TECTB: variants seen among roughly 807,000 people sequenced by gnomAD.
TECTB encodes beta-tectorin.
Under a neutral mutation model 43.3 loss-of-function variants are expected in TECTB, and 45 were observed. The observed-to-expected ratio is 1.04, with a 90% CI of 0.82 to 1.33. The LOEUF is 1.33. Ranked by LOEUF, TECTB falls within the 40% of genes most tolerant of loss-of-function variation. The probability of loss-of-function intolerance (pLI) is 0.00; values close to 1 mark genes in which losing one functional copy is unlikely to be tolerated. For missense variants in TECTB, 399 were observed against 404.7 expected (o/e 0.99, Z 0.12); for synonymous variants, 169 against 156.7 (o/e 1.08, Z -0.59).
chr10:112,300,263 AAAGAAAGAAAGAAAGAAAAG>A (rs1848592046), intron 9 of TECTB, among the ~76,000 whole-genome samples: 2 of 32,416 alleles, frequency 6.2e-5, no homozygotes, highest in African/African-American at 4.2e-4. Flanking sequence ...AGAAAGAAAG[AAAGAAAGAAAGAAAGAAAAG>A]AAAGAAAGAA....
intron 3 of TECTB, among the ~76,000 whole-genome samples, chr10:112,285,538 G>T (rs768852275): frequency 6.6e-6 from 1 of 152,228 alleles, no homozygotes; most frequent in African/African-American, 2.4e-5. Context: ...GAAATCAGCT[G>T]TGTGGTCTCA....
chr10:112,293,293 G>A (rs552395799), intron 5 of TECTB, among the ~76,000 whole-genome samples: 2 of 151,170 alleles, frequency 1.3e-5, no homozygotes, highest in Admixed American at 6.7e-5. Context: ...CTGGGAATCT[G>A]GGAATCTGAT....
intron 5 of TECTB, among the ~76,000 whole-genome samples, chr10:112,291,726 T>C (rs1222972125): frequency 6.6e-6 from 1 of 152,228 alleles, no homozygotes; most frequent in African/African-American, 2.4e-5. Context: ...CCATTTTGCA[T>C]AGGAAGAAGC....
rs201302014 is a variant in TECTB at position 112,298,094 on chromosome 10, G to A, written c.697G>A (p.Val233Met). 74 of 1,614,012 alleles carry A rather than the reference G, an allele frequency of 4.6e-5. No individual in the cohort carries two copies. The highest frequency in any genetic ancestry group is 1.3e-4 in the Admixed American group (8 of 59,996). The change falls in exon 8 of 11, where the codon GTG becomes ATG. Residue 233 changes from valine (V) to methionine (M), a missense_variant. Coordinates refer to ENST00000646139, the MANE Select transcript of TECTB (RefSeq NM_058222.3). Reference sequence around the variant, plus strand: ...CTGCCCCACGGATGAAACCGTCCTCGTGCATGAGAATGGGAGAGATCACAG... The same window carrying A: ...CTGCCCCACGGATGAAACCGTCCTCATGCATGAGAATGGGAGAGATCACAG... ...KGCPTDETVL[V>M]HENGRDHRAT...
chr10:112,284,595 A>G lies in TECTB; in HGVS notation c.137A>G (p.Tyr46Cys), dbSNP rs775359840. Residue 46 changes from tyrosine (Y) to cysteine (C), a missense_variant, in exon 3 of 11, where the codon TAT becomes TGT. By Grantham distance (194) the Tyr-to-Cys change is radical (BLOSUM62 -2). Coordinates refer to ENST00000646139, the MANE Select transcript of TECTB (RefSeq NM_058222.3). ...ATCACCAAAATCCCCGAGTGTCCCT[A>G]TGGATGGGAAGTTCATCAGCTGGCC... ...TIITKIPECP[Y>C]GWEVHQLALG... 4.3e-6 allele frequency: 7 copies of G among 1,613,514 alleles called. No individual in the cohort carries two copies. The highest frequency in any genetic ancestry group is 4.5e-5 in the East Asian group (2 of 44,876).
chr10:112,299,914 G>C (rs931107380), intron 9 of TECTB, among the ~76,000 whole-genome samples: 11 of 151,818 alleles, frequency 7.2e-5, no homozygotes, highest in Non-Finnish European at 1.5e-4. Context: ...TGTAATCCCA[G>C]CACTTTGGGA....
In TECTB at chr10:112,294,869, G is replaced by A. The variant is rs80007016; in HGVS notation, c.671+808G>A. ...GATAGGAGGTGGAGGAAAGGACAGC[G>A]CAAGAAATCTGGGGAGTAATGGAAA... On this transcript the variant is annotated intron_variant, in intron 7 of 10. Transcript: ENST00000646139. 4.0e-3 allele frequency among the ~76,000 whole-genome samples: 616 copies of A among 152,304 alleles called. 4 individuals carry two copies. The highest frequency in any genetic ancestry group is 0.014 in the African/African-American group (582 of 41,566).
intron 9 of TECTB, among the ~76,000 whole-genome samples, chr10:112,301,731 T>C (rs1339641381): frequency 6.6e-6 from 1 of 151,870 alleles, no homozygotes; most frequent in East Asian, 1.9e-4. Flanking sequence ...TCAGGTTTTG[T>C]GTTTTATTTA....
intron 7 of TECTB, among the ~76,000 whole-genome samples, chr10:112,296,140 T>C (rs1172569349): frequency 6.6e-6 from 1 of 152,176 alleles, no homozygotes; most frequent in East Asian, 1.9e-4. Context: ...CAGATGATTT[T>C]TGCTCACAAC....
At chr10:112,287,006 G>C (rs1848460649) in intron 5 of TECTB, among the ~76,000 whole-genome samples, 1 of 152,304 alleles carries the variant, frequency 6.6e-6, no homozygotes, top group South Asian at 2.1e-4. Flanking sequence ...AGAAAACTGA[G>C]GCAAGGTCAA....
At chr10:112,297,021 G>GTGGGCT (rs1378713488) in intron 7 of TECTB, among the ~76,000 whole-genome samples, 2 of 152,176 alleles carry the variant, frequency 1.3e-5, no homozygotes, top group African/African-American at 4.8e-5. Flanking sequence ...TCTCTGTACA[G>GTGGGCT]TCCCAAGAAT....
At chr10:112,283,842 C>G in intron 2 of TECTB, 32 bp downstream of exon 2, 1 of 1,606,800 alleles carries the variant, frequency 6.2e-7, no homozygotes, top group East Asian at 2.2e-5. Flanking sequence ...TTTCCTGGGA[C>G]GAAAAGTTTC....
chr10:112,286,058 T>C lies in TECTB; in HGVS notation c.268-13T>C, dbSNP rs1234120501. ...AAACAGATTCATCCTGACTGTCTCC[T>C]TTCTTTGTCCAGTACAAGCCACCTA... On this transcript the variant is annotated splice_polypyrimidine_tract_variant and intron_variant, in intron 3 of 10. Transcript: ENST00000646139. The C allele has an allele frequency of 6.2e-7, 1 of 1,614,010 alleles. No individual in the cohort carries two copies. Among genetic ancestry groups the C allele is most frequent in the Non-Finnish European group, 8.5e-7 (1 of 1,179,894 alleles).
At chr10:112,297,974 T>A in intron 7 of TECTB, 95 bp from the exon 8 acceptor site, 2 of 1,557,488 alleles carry the variant, frequency 1.3e-6, no homozygotes, top group Non-Finnish European at 1.8e-6. Context: ...AGAGGTCATA[T>A]AACCACCTCG....
intron 7 of TECTB, 35 bp downstream of exon 7, chr10:112,294,096 G>A: frequency 6.3e-7 from 1 of 1,588,904 alleles, no homozygotes; most frequent in South Asian, 1.1e-5. Context: ...GCTGAACAGT[G>A]GAACCAGGCA....
At chr10:112,290,318 CAT>C (rs1848487729) in intron 5 of TECTB, among the ~76,000 whole-genome samples, 1 of 152,194 alleles carries the variant, frequency 6.6e-6, no homozygotes, top group Admixed American at 6.5e-5. Context: ...GGTCTTGAAA[CAT>C]ATCTCCTGTG....
At chr10:112,289,861 GT>G (rs1308708446) in intron 5 of TECTB, among the ~76,000 whole-genome samples, 2 of 152,142 alleles carry the variant, frequency 1.3e-5, no homozygotes, top group Non-Finnish European at 2.9e-5. Flanking sequence ...CTTTAGGGCA[GT>G]TTTTTTCACC....
At position 112,303,359 on chromosome 10, in the gene TECTB, C is replaced by G. The variant is rs546264138; in HGVS notation, c.*47C>G. The stretch of plus-strand genomic sequence containing the variant: ...CTCCTCCACCCACAATAGTCCTCAG[C>G]GAATGACAAACACATTTATTGTGCT... On this transcript the variant is annotated 3_prime_UTR_variant, in exon 11 of 11. Transcript: ENST00000646139. The G allele has an allele frequency of 6.2e-7, 1 of 1,607,014 alleles. No individual in the cohort carries two copies. Among genetic ancestry groups the G allele is most frequent in the Non-Finnish European group, 8.5e-7 (1 of 1,173,660 alleles).
intron 5 of TECTB, among the ~76,000 whole-genome samples, chr10:112,291,992 C>T (rs899814080): frequency 1.3e-5 from 2 of 152,022 alleles, no homozygotes; most frequent in South Asian, 2.1e-4. Flanking sequence ...AAAAATTAGC[C>T]GGGCGTGGTG....
Sources: allele counts gnomAD v4.1 joint callset (sites outside exome capture counted in the v4.1 genomes callset), GRCh38; gene constraint gnomAD v4.1.1; transcripts MANE v1.5; gene names NCBI Gene and HGNC (gene_info 2026-07-23, HGNC 2026-07-21).